CLDN10: variants seen among roughly 807,000 people sequenced by gnomAD.
CLDN10 encodes the protein claudin-10.
CLDN10 carries 15 observed loss-of-function variants against 22.9 expected under a neutral mutation model. The observed-to-expected ratio is 0.65, with a 90% CI of 0.44 to 1.01. CLDN10 has a LOEUF of 1.01. Among genes scored for constraint, CLDN10 ranks in the 50% least tolerant of loss-of-function variants. CLDN10 has a pLI of 0.00. For synonymous variants in CLDN10, 114 were observed against 111.4 expected (o/e 1.02, Z -0.15); for missense variants, 247 against 287.8 (o/e 0.86, Z 1.03).
intron 1 of CLDN10, among the ~76,000 whole-genome samples, chr13:95,519,470 G>A (rs1215177512): frequency 6.6e-6 from 1 of 152,212 alleles, no homozygotes; most frequent in African/African-American, 2.4e-5. Flanking sequence ...GTTAGCTACA[G>A]TTAGCTAGAA....
intron 1 of CLDN10, among the ~76,000 whole-genome samples, chr13:95,498,570 T>C (rs1594565889): frequency 6.6e-6 from 1 of 152,028 alleles, no homozygotes; most frequent in East Asian, 1.9e-4. Context: ...GATTTTTGTA[T>C]TTTTAGTAGA....
chr13:95,479,159 G>A (rs2042716128), intron 1 of CLDN10, among the ~76,000 whole-genome samples: 1 of 152,190 alleles, frequency 6.6e-6, no homozygotes, highest in Admixed American at 6.5e-5. Flanking sequence ...GAACAGCCTG[G>A]TCAACATGGT....
rs1238847412 is a variant in CLDN10, at chr13:95,531,763, G to A, written c.215-28369G>A. Reference sequence around the variant, plus strand: ...TCACTATGTTGGCCAGGCTGCTCTCGAACTCCTGATCTCCACCCATCTCAG... The same window carrying A: ...TCACTATGTTGGCCAGGCTGCTCTCAAACTCCTGATCTCCACCCATCTCAG... On this transcript the variant is annotated intron_variant, in intron 1 of 4. Coordinates refer to the CLDN10 transcript ENST00000376873. Among the ~76,000 whole-genome samples, 3 of 149,534 alleles carry A rather than the reference G, an allele frequency of 2.0e-5. 1 individual carries two copies. The highest frequency in any genetic ancestry group is 2.1e-4 in the South Asian group (1 of 4,708).
intron 1 of CLDN10, among the ~76,000 whole-genome samples, chr13:95,497,651 A>G (rs187432508): frequency 2.6e-5 from 4 of 152,340 alleles, no homozygotes; most frequent in African/African-American, 9.6e-5. Flanking sequence ...GAACTTCAAC[A>G]CAAATGTCCC....
At chr13:95,469,279 T>C (rs1481574749) in intron 1 of CLDN10, among the ~76,000 whole-genome samples, 2 of 152,168 alleles carry the variant, frequency 1.3e-5, no homozygotes, top group Non-Finnish European at 2.9e-5. Flanking sequence ...CATGGAGAGA[T>C]TATGATCTGA....
intron 1 of CLDN10, among the ~76,000 whole-genome samples, chr13:95,481,421 C>T (rs1333680509): frequency 1.3e-5 from 2 of 152,130 alleles, no homozygotes; most frequent in Non-Finnish European, 2.9e-5. Flanking sequence ...CAAGATTCTG[C>T]GTTTCTAACA....
intron 1 of CLDN10, among the ~76,000 whole-genome samples, chr13:95,460,637 A>G (rs1042476376): frequency 2.0e-5 from 3 of 152,106 alleles, no homozygotes; most frequent in Non-Finnish European, 2.9e-5. Flanking sequence ...ACATGTGAAG[A>G]TTTTACGAGG....
In CLDN10 at chr13:95,514,908, G is replaced by A. The variant is rs368576305; in HGVS notation, c.215-45224G>A. Among the ~76,000 whole-genome samples, 45 of 152,296 alleles carry A rather than the reference G, an allele frequency of 3.0e-4. 1 individual carries two copies. The South Asian group carries it at 8.5e-3, about 29-fold the overall frequency. ...CTCAGTTGTGAGATGATGTCCCGCA[G>A]ACTTGCATGGAGATGGCGCTGAAGA... On this transcript the variant is annotated intron_variant, in intron 1 of 4. Transcript: ENST00000376873.
chr13:95,435,190 T>C (rs919782559), intron 1 of CLDN10, among the ~76,000 whole-genome samples: 3 of 152,228 alleles, frequency 2.0e-5, no homozygotes, highest in Non-Finnish European at 4.4e-5. Context: ...AATTACTATC[T>C]GCCTCTGCTT....
upstream of CLDN10, among the ~76,000 whole-genome samples, chr13:95,552,086 G>C (rs2043572223): frequency 6.6e-6 from 1 of 152,180 alleles, no homozygotes; most frequent in African/African-American, 2.4e-5. Flanking sequence ...CTTGACTTTA[G>C]GCCTGTGCCA....
At position 95,563,324 on chromosome 13, in the gene CLDN10, A is replaced by G. The variant is rs921232026; in HGVS notation, c.464+2861A>G. Among the ~76,000 whole-genome samples the G allele has an allele frequency of 6.6e-5, 10 of 152,222 alleles. 1 individual carries two copies. The South Asian group carries it at 1.7e-3, about 25-fold the overall frequency. On this transcript the variant is annotated intron_variant, in intron 3 of 4. Coordinates refer to ENST00000299339, the MANE Select transcript of CLDN10 (RefSeq NM_006984.5). ...TTAAGATTGCTTTTTAATTCTGTATAGTATGTAAGATGTGGCTTATCTTTA... is the reference window on the plus strand; with the variant it reads ...TTAAGATTGCTTTTTAATTCTGTATGGTATGTAAGATGTGGCTTATCTTTA...
At chr13:95,524,947 C>A (rs1048703564) in intron 1 of CLDN10, among the ~76,000 whole-genome samples, 1 of 151,820 alleles carries the variant, frequency 6.6e-6, no homozygotes, top group Non-Finnish European at 1.5e-5. Flanking sequence ...ACAACCTCCA[C>A]CCCCCGGGTT....
intron 1 of CLDN10, among the ~76,000 whole-genome samples, chr13:95,449,288 G>A (rs568197746): frequency 2.0e-5 from 3 of 151,742 alleles, no homozygotes; most frequent in African/African-American, 4.8e-5. Flanking sequence ...ATCTCGCTCT[G>A]TTGCCCAGGC....
At chr13:95,489,940 G>A (rs2042852735) in intron 1 of CLDN10, among the ~76,000 whole-genome samples, 1 of 152,182 alleles carries the variant, frequency 6.6e-6, no homozygotes, top group African/African-American at 2.4e-5. Context: ...CATGTGGCTA[G>A]CCAATTATCC....
At chr13:95,470,917 CAA>C (rs1281396575) in intron 1 of CLDN10, among the ~76,000 whole-genome samples, 3 of 152,130 alleles carry the variant, frequency 2.0e-5, no homozygotes, top group Non-Finnish European at 4.4e-5. Context: ...CGCCAGCCAA[CAA>C]ATGCATGAGC....
Position 95,578,114 on chromosome 13 carries a change from T to C in CLDN10, c.*100T>C. ...CTCCCATAATTAACACTCAAAACTATTTTTAAAATATGCATTTGAAGCATC... is the reference window on the plus strand; with the variant it reads ...CTCCCATAATTAACACTCAAAACTACTTTTAAAATATGCATTTGAAGCATC... On this transcript the variant is annotated 3_prime_UTR_variant, in exon 5 of 5. Transcript: ENST00000299339. 1 of 627,244 alleles carries C rather than the reference T, an allele frequency of 1.6e-6. No individual in the cohort carries two copies. Among genetic ancestry groups the C allele is most frequent in the Non-Finnish European group, 2.8e-6 (1 of 356,300 alleles). The allele number at this position is 627,244 out of a possible 1,614,324, so 38.9% of individuals were successfully genotyped here. A position where few individuals can be genotyped will look rare whatever the true frequency, so the allele number is the denominator to read the frequency against.
At chr13:95,563,317 T>C (rs1039550553) in intron 3 of CLDN10, among the ~76,000 whole-genome samples, 3 of 152,132 alleles carry the variant, frequency 2.0e-5, no homozygotes, top group African/African-American at 7.2e-5. Context: ...GCTTTTTAAT[T>C]CTGTATAGTA....
intron 1 of CLDN10, among the ~76,000 whole-genome samples, chr13:95,473,789 G>A (rs996301908): frequency 5.9e-5 from 9 of 152,178 alleles, no homozygotes; most frequent in African/African-American, 9.7e-5. Flanking sequence ...GAGAATCACC[G>A]GTGAACTCAT....
chr13:95,433,987 G>A, exon 1 of CLDN10: 3 of 1,614,204 alleles, frequency 1.9e-6, no homozygotes, highest in Non-Finnish European at 8.5e-7. Flanking sequence ...GATGAACTGC[G>A]CAGGTAACGC....
Sources: allele counts gnomAD v4.1 joint callset (sites outside exome capture counted in the v4.1 genomes callset), GRCh38; gene constraint gnomAD v4.1.1; transcripts MANE v1.5; gene names NCBI Gene and HGNC (gene_info 2026-07-23, HGNC 2026-07-21).